NBAS: variants seen among roughly 807,000 people sequenced by gnomAD.
NBAS encodes NAG/BC035112 fusion.
NBAS carries 219 observed loss-of-function variants against 302.5 expected under a neutral mutation model. That is an observed-to-expected ratio of 0.72 (90% CI 0.65 to 0.81). NBAS has a LOEUF of 0.81. Ranked by LOEUF, NBAS falls within the 30% of genes least tolerant of loss-of-function variation. The probability of loss-of-function intolerance (pLI) is 0.00; values close to 1 mark genes in which losing one functional copy is unlikely to be tolerated. For synonymous variants in NBAS, 1,118 were observed against 1,021.6 expected (o/e 1.09, Z -1.80); for missense variants, 2,932 against 2,841.6 (o/e 1.03, Z -0.72).
chr2:15,348,571 G>A (rs2148289397), intron 35 of NBAS, among the ~76,000 whole-genome samples: 1 of 152,148 alleles, frequency 6.6e-6, no homozygotes, highest in East Asian at 1.9e-4. Context: ...AATTCATAAA[G>A]CTGAGCTTAG....
At chr2:15,052,879 G>A in the NBAS span, among the ~76,000 whole-genome samples, 2,747 of 152,200 alleles carry the variant, frequency 0.018, 81 homozygotes, top group African/African-American at 0.06. Flanking sequence ...GTATGATAGG[G>A]TGAATAACAA....
chr2:15,090,684 C>T, the NBAS span, among the ~76,000 whole-genome samples: 1 of 152,178 alleles, frequency 6.6e-6, no homozygotes, highest in African/African-American at 2.4e-5. Context: ...AGGTAGCTAA[C>T]GTGGCCAACA....
At position 15,186,722 on chromosome 2, in the gene NBAS, C is replaced by T. The variant is rs1399608829; in HGVS notation, c.6711+20G>A. 1.2e-6 allele frequency: 2 copies of T among 1,613,558 alleles called. No homozygotes were observed. The highest frequency in any genetic ancestry group is 1.3e-5 in the African/African-American group (1 of 74,836). On this transcript the variant is annotated intron_variant, in intron 50 of 51. Transcript: ENST00000281513. ...AAGCAAAGGCCACTCCTTAGGAAAG[C>T]ACTCAAAATATCCACTCACCTCTGC...
chr2:15,343,607 A>G (rs1672956508), intron 35 of NBAS, among the ~76,000 whole-genome samples: 1 of 152,140 alleles, frequency 6.6e-6, no homozygotes, highest in Non-Finnish European at 1.5e-5. Context: ...TTATTCTATT[A>G]ATTTTTATTG....
At chr2:15,264,637 C>T (rs1316687006) in intron 44 of NBAS, among the ~76,000 whole-genome samples, 6 of 152,140 alleles carry the variant, frequency 3.9e-5, no homozygotes, top group Non-Finnish European at 8.8e-5. Flanking sequence ...AGTTTAGGAG[C>T]GCGCCCGTAT....
the NBAS span, among the ~76,000 whole-genome samples, chr2:15,138,608 A>G: frequency 1.6e-4 from 25 of 151,520 alleles, no homozygotes; most frequent in African/African-American, 6.1e-4. Context: ...AATGAAGACC[A>G]CTCTCCTTGT....
the NBAS span, among the ~76,000 whole-genome samples, chr2:15,098,367 T>C: frequency 0.31 from 1,030 of 3,298 alleles, 22 homozygotes; most frequent in Middle Eastern, 0.5. Context: ...ATATTGTATA[T>C]AATATATTAT....
intron 38 of NBAS, among the ~76,000 whole-genome samples, 165 bp downstream of exon 38, chr2:15,327,585 A>T (rs1298507082): frequency 3.9e-5 from 6 of 152,186 alleles, no homozygotes; most frequent in Admixed American, 6.5e-5. Flanking sequence ...AAGTGTTTTA[A>T]ACAAAATTAA....
At chr2:15,068,305 A>G in the NBAS span, among the ~76,000 whole-genome samples, 1 of 152,248 alleles carries the variant, frequency 6.6e-6, no homozygotes, top group African/African-American at 2.4e-5. Flanking sequence ...GTCATGATCC[A>G]TACATTCATC....
chr2:15,402,319 T>C lies in NBAS; in HGVS notation c.2938-18A>G. On this transcript the variant is annotated intron_variant, in intron 25 of 51. Coordinates refer to ENST00000281513, the MANE Select transcript of NBAS (RefSeq NM_015909.4). ...TGCTGCAGCTACAGAAAATAAAGTATGTTGTACTAAATGTCAACAGATTTA... is the reference window on the plus strand; with the variant it reads ...TGCTGCAGCTACAGAAAATAAAGTACGTTGTACTAAATGTCAACAGATTTA... The C allele has an allele frequency of 6.2e-7, 1 of 1,612,914 alleles. No individual in the cohort carries two copies. The highest frequency in any genetic ancestry group is 8.5e-7 in the Non-Finnish European group (1 of 1,179,262).
the NBAS span, among the ~76,000 whole-genome samples, chr2:14,826,253 AT>A: frequency 6.6e-6 from 1 of 152,248 alleles, no homozygotes; most frequent in African/African-American, 2.4e-5. Flanking sequence ...ATTATGTAAA[AT>A]TAAAATATTG....
chr2:15,098,403 T>A, the NBAS span, among the ~76,000 whole-genome samples: 1 of 18,156 alleles, frequency 5.5e-5, no homozygotes, highest in Non-Finnish European at 1.2e-4. Flanking sequence ...TATTATATAT[T>A]ATATATGATA....
the NBAS span, among the ~76,000 whole-genome samples, chr2:14,855,116 G>A: frequency 6.6e-6 from 1 of 152,062 alleles, no homozygotes; most frequent in African/African-American, 2.4e-5. Context: ...TCAGAGTTGT[G>A]AGGCCCCCAT....
chr2:15,473,449 G>T, intron 15 of NBAS, 102 bp from the exon 16 acceptor site: 1 of 1,432,926 alleles, frequency 7.0e-7, no homozygotes, highest in Non-Finnish European at 9.6e-7. Context: ...GACTTATCCA[G>T]CATGTCACTA....
chr2:14,779,850 T>A, the NBAS span, among the ~76,000 whole-genome samples: 2 of 152,214 alleles, frequency 1.3e-5, no homozygotes, highest in African/African-American at 4.8e-5. Context: ...TAGGATATTT[T>A]AAAAGATTTT....
chr2:14,990,516 AAAT>A, the NBAS span, among the ~76,000 whole-genome samples: 1 of 152,222 alleles, frequency 6.6e-6, no homozygotes, highest in Non-Finnish European at 1.5e-5. Flanking sequence ...TCTCGGTTAA[AAAT>A]AATAATAATA....
At chr2:14,993,757 G>C in the NBAS span, among the ~76,000 whole-genome samples, 16 of 152,240 alleles carry the variant, frequency 1.1e-4, no homozygotes, top group African/African-American at 3.9e-4. Context: ...CTTTCCAATA[G>C]CTTGATATTA....
chr2:15,146,005 C>T, the NBAS span, among the ~76,000 whole-genome samples: 32 of 152,162 alleles, frequency 2.1e-4, no homozygotes, highest in African/African-American at 6.8e-4. Context: ...GAGTATCTAG[C>T]GTGAACTTGA....
At chr2:15,008,307 T>G in the NBAS span, among the ~76,000 whole-genome samples, 17 of 152,354 alleles carry the variant, frequency 1.1e-4, no homozygotes, top group Admixed American at 9.8e-4. Flanking sequence ...ACCACTCTTG[T>G]GTGCTACAGG....
Sources: allele counts gnomAD v4.1 joint callset (sites outside exome capture counted in the v4.1 genomes callset), GRCh38; gene constraint gnomAD v4.1.1; transcripts MANE v1.5; gene names NCBI Gene and HGNC (gene_info 2026-07-23, HGNC 2026-07-21).